MDGA2: variants seen among roughly 807,000 people sequenced by gnomAD.
The protein encoded by MDGA2 is MAM domain containing glycosylphosphatidylinositol anchor 2.
A neutral mutation model predicts 117.8 loss-of-function variants in MDGA2; 40 were observed. The ratio of observed to expected loss-of-function variants is 0.34; its 90% CI spans 0.26 to 0.44. The LOEUF (loss-of-function observed/expected upper bound fraction) is 0.44. MDGA2 is among the 20% of genes least tolerant of loss of function. The pLI, the probability that MDGA2 is intolerant of heterozygous loss-of-function variation, is 1.00. For missense variants in MDGA2, 1,123 were observed against 1,250.6 expected (o/e 0.90, Z 1.54); for synonymous variants, 452 against 439.0 (o/e 1.03, Z -0.37).
chr14:47,073,852 G>A (rs1426503325), intron 6 of MDGA2, among the ~76,000 whole-genome samples: 2 of 152,058 alleles, frequency 1.3e-5, no homozygotes, highest in Admixed American at 6.5e-5. Flanking sequence ...ATCCTCTCAC[G>A]TTCCTTCAAA....
At chr14:47,579,165 A>G (rs1363594276) in intron 1 of MDGA2, among the ~76,000 whole-genome samples, 1 of 152,138 alleles carries the variant, frequency 6.6e-6, no homozygotes, top group East Asian at 1.9e-4. Context: ...GGATAAAAAT[A>G]TTACAAAAGA....
chr14:47,405,651 C>T (rs995205505), intron 1 of MDGA2, among the ~76,000 whole-genome samples: 3 of 152,096 alleles, frequency 2.0e-5, no homozygotes, highest in Admixed American at 1.3e-4. Context: ...TTATGAAATG[C>T]AAAATCACTT....
chr14:46,929,649 A>ATATATATATTTTTTTTTTTTT (rs1884485655), intron 9 of MDGA2, among the ~76,000 whole-genome samples: 1 of 13,710 alleles, frequency 7.3e-5, no homozygotes, highest in Non-Finnish European at 1.4e-4. Context: ...ATATATATAC[A>ATATATATATTTTTTTTTTTTT]TTTTTTTTTT....
chr14:47,283,686 C>A (rs72680283), intron 2 of MDGA2, among the ~76,000 whole-genome samples: 13,840 of 152,194 alleles, frequency 0.091, 779 homozygotes, highest in Non-Finnish European at 0.11. Flanking sequence ...TTTCAGGAGA[C>A]TATACTTTTG....
intron 4 of MDGA2, among the ~76,000 whole-genome samples, chr14:47,139,840 A>G (rs1882635900): frequency 6.9e-6 from 1 of 145,734 alleles, no homozygotes; most frequent in African/African-American, 2.5e-5. Context: ...ACATATATAT[A>G]TACACACATA....
intron 3 of MDGA2, among the ~76,000 whole-genome samples, chr14:47,193,422 T>A (rs1887150): frequency 1.3e-5 from 2 of 151,902 alleles, no homozygotes; most frequent in African/African-American, 4.8e-5. Context: ...CCCAGAGTCT[T>A]GGATCTTAAC....
intron 1 of MDGA2, among the ~76,000 whole-genome samples, chr14:47,320,400 G>C (rs568320222): frequency 2.0e-5 from 3 of 152,190 alleles, no homozygotes; most frequent in African/African-American, 7.2e-5. Flanking sequence ...CAAAAACTCT[G>C]TGAGAAAGAT....
At position 47,075,783 on chromosome 14, in the gene MDGA2, A is replaced by C. The variant is rs1249742647; in HGVS notation, c.1196-14205T>G. ...CTTTGTACTATTCTTGATATTTAAAAAATTTTTTCTTAAGAAGTTGAGAAA... is the reference window on the plus strand; with the variant it reads ...CTTTGTACTATTCTTGATATTTAAACAATTTTTTCTTAAGAAGTTGAGAAA... On this transcript the variant is annotated intron_variant, in intron 6 of 16. Transcript: ENST00000399232. Among the ~76,000 whole-genome samples the C allele has an allele frequency of 2.0e-5, 3 of 152,136 alleles. No individual in the cohort carries two copies. In the East Asian group the frequency reaches 5.8e-4, roughly 29 times the overall value.
chr14:46,850,964 T>C (rs1881033571), intron 15 of MDGA2, among the ~76,000 whole-genome samples: 2 of 151,912 alleles, frequency 1.3e-5, no homozygotes, highest in Non-Finnish European at 1.5e-5. Context: ...ATGCCAGATA[T>C]GCTACATGAG....
chr14:47,226,965 G>A (rs753809998), intron 2 of MDGA2, among the ~76,000 whole-genome samples: 3 of 151,786 alleles, frequency 2.0e-5, no homozygotes, highest in South Asian at 2.1e-4. Flanking sequence ...AACACCCTCC[G>A]GTCCTCCAGA....
chr14:47,503,534 T>C (rs980666346), intron 1 of MDGA2, among the ~76,000 whole-genome samples: 3 of 151,600 alleles, frequency 2.0e-5, no homozygotes, highest in African/African-American at 7.3e-5. Flanking sequence ...GCCTCCCTAG[T>C]AGCTGGGCTA....
In MDGA2 at chr14:47,218,030, C is replaced by T; in HGVS notation, c.586G>A (p.Asp196Asn). ...GSPAIKSIRV[D>N]VYYLDDPVVT... ...TGGAAAATTTACTTACAGTATACAT[C>T]CACTCTGATTGACTTTATCGCTGGA... is the stretch of plus-strand genomic sequence containing the variant. The change falls in exon 3 of 17, where the codon GAT becomes AAT. Residue 196 changes from aspartate (D) to asparagine (N), a missense_variant. Physicochemically the swap from Asp to Asn is conservative, Grantham distance 23. Coordinates refer to ENST00000399232, the MANE Select transcript of MDGA2 (RefSeq NM_001113498.3). 1 of 1,548,026 alleles carries T rather than the reference C, an allele frequency of 6.5e-7. No homozygotes were observed. The highest frequency in any genetic ancestry group is 8.7e-7 in the Non-Finnish European group (1 of 1,145,034).
At chr14:47,483,035 T>C (rs1893985951) in intron 1 of MDGA2, among the ~76,000 whole-genome samples, 1 of 152,098 alleles carries the variant, frequency 6.6e-6, no homozygotes, top group Non-Finnish European at 1.5e-5. Context: ...AACATTTTAC[T>C]GAACTGACAT....
rs1879596837 is a variant in MDGA2, at chr14:47,090,613, T to G, written c.1195+6241A>C. On this transcript the variant is annotated intron_variant, in intron 6 of 16. Transcript: ENST00000399232. ...TGTCTGTTCCATAACAGGGTAGAGA[T>G]ATTTGACCCTTCCAGGGAGTGGGCC... Among the ~76,000 whole-genome samples, 3 of 152,260 alleles carry G rather than the reference T, an allele frequency of 2.0e-5. No homozygotes were observed. In the South Asian group the frequency reaches 6.2e-4, roughly 32 times the overall value.
chr14:46,958,148 C>T (rs912214655), intron 8 of MDGA2, among the ~76,000 whole-genome samples: 2 of 152,130 alleles, frequency 1.3e-5, no homozygotes, highest in African/African-American at 4.8e-5. Flanking sequence ...GTGAATGACA[C>T]TATGAGAGTT....
At chr14:47,256,514 A>G (rs531055400) in intron 2 of MDGA2, among the ~76,000 whole-genome samples, 1 of 152,132 alleles carries the variant, frequency 6.6e-6, no homozygotes, top group South Asian at 2.1e-4. Context: ...CAGTTTATCT[A>G]TTTGCTTCTT....
intron 1 of MDGA2, among the ~76,000 whole-genome samples, chr14:47,642,501 T>C (rs190633614): frequency 7.6e-4 from 115 of 152,200 alleles, no homozygotes; most frequent in African/African-American, 2.7e-3. Context: ...ATCTATCAGA[T>C]ACATTTGGAT....
intron 1 of MDGA2, among the ~76,000 whole-genome samples, chr14:47,580,210 C>A (rs74046647): frequency 0.035 from 5,371 of 151,990 alleles, 320 homozygotes; most frequent in African/African-American, 0.12. Context: ...AAATTTATTG[C>A]TTACGTTTCT....
rs560065695 is a variant in MDGA2, at chr14:47,334,774, A to G, written c.281-33224T>C. Among the ~76,000 whole-genome samples the G allele has an allele frequency of 2.1e-4, 32 of 152,080 alleles. No homozygotes were observed. In the South Asian group the frequency reaches 6.2e-3, roughly 30 times the overall value. On this transcript the variant is annotated intron_variant, in intron 1 of 16. Coordinates refer to ENST00000399232, the MANE Select transcript of MDGA2 (RefSeq NM_001113498.3). ...TGGCATGACTGATAATTCAAATAGA[A>G]TAAAATACAAGCAACTGTGACTGCT...
Sources: allele counts gnomAD v4.1 joint callset (sites outside exome capture counted in the v4.1 genomes callset), GRCh38; gene constraint gnomAD v4.1.1; transcripts MANE v1.5; gene names NCBI Gene and HGNC (gene_info 2026-07-23, HGNC 2026-07-21).